The following ADAMTSL1 variants were observed in gnomAD, a reference collection of about 807,000 sequenced individuals.
ADAMTSL1 encodes ADAMTS like 1.
In ADAMTSL1, 126 loss-of-function variants were observed where a neutral mutation model predicts 201.8. That is an observed-to-expected ratio of 0.62 (90% CI 0.54 to 0.72). The LOEUF (loss-of-function observed/expected upper bound fraction) is 0.72. ADAMTSL1 is among the 30% of genes least tolerant of loss of function. The pLI is 0.00. For missense variants in ADAMTSL1, 2,679 were observed against 2,277.8 expected, an observed-to-expected ratio of 1.18 and a Z score of -3.59; for synonymous variants, 1,121 against 903.4, an observed-to-expected ratio of 1.24 and a Z score of -4.32.
intron 23 of ADAMTSL1, among the ~76,000 whole-genome samples, chr9:18,863,416 T>C (rs1284648210): frequency 1.3e-5 from 2 of 152,224 alleles, no homozygotes; most frequent in African/African-American, 2.4e-5. Flanking sequence ...ATTTGGGGAA[T>C]GGAAAATGGG....
At chr9:17,973,790 C>T (rs1818321645) in intron 1 of ADAMTSL1, among the ~76,000 whole-genome samples, 1 of 148,416 alleles carries the variant, frequency 6.7e-6, no homozygotes. Flanking sequence ...ATTCTTCCTA[C>T]CAATGAGCAT....
chr9:17,939,776 C>G (rs951102436), intron 1 of ADAMTSL1, among the ~76,000 whole-genome samples: 15 of 152,192 alleles, frequency 9.9e-5, no homozygotes, highest in Middle Eastern at 3.4e-3. Flanking sequence ...TGACCCTGTT[C>G]TTGCAAAGTA....
chr9:18,161,310 A>G (rs1411150748), intron 1 of ADAMTSL1, among the ~76,000 whole-genome samples: 1 of 152,030 alleles, frequency 6.6e-6, no homozygotes, highest in Non-Finnish European at 1.5e-5. Context: ...AGCAAAAGAA[A>G]CTTCTTTTTG....
intron 16 of ADAMTSL1, among the ~76,000 whole-genome samples, chr9:18,768,218 T>C (rs1441384383): frequency 1.3e-5 from 2 of 152,194 alleles, no homozygotes; most frequent in Admixed American, 6.5e-5. Flanking sequence ...GGCTTGGTGC[T>C]GATCAGGCTG....
At chr9:18,323,446 G>C (rs1235639762) in intron 2 of ADAMTSL1, among the ~76,000 whole-genome samples, 1 of 152,080 alleles carries the variant, frequency 6.6e-6, no homozygotes, top group Non-Finnish European at 1.5e-5. Flanking sequence ...TGGTAAAATA[G>C]TAAATCCTTT....
chr9:18,002,207 T>G (rs10963391), intron 1 of ADAMTSL1, among the ~76,000 whole-genome samples: 1 of 151,796 alleles, frequency 6.6e-6, no homozygotes, highest in African/African-American at 2.4e-5. Flanking sequence ...TGTTAATCTA[T>G]AGGAATCTGT....
At chr9:18,602,305 G>C (rs1824714134) in intron 4 of ADAMTSL1, among the ~76,000 whole-genome samples, 1 of 152,174 alleles carries the variant, frequency 6.6e-6, no homozygotes, top group Non-Finnish European at 1.5e-5. Flanking sequence ...TTTTGCACTA[G>C]GACAAAACGA....
chr9:18,181,986 T>C (rs902561248), intron 2 of ADAMTSL1, among the ~76,000 whole-genome samples: 2 of 152,010 alleles, frequency 1.3e-5, no homozygotes, highest in African/African-American at 4.8e-5. Flanking sequence ...ATGTCCTTTG[T>C]AGGGACATGG....
intron 1 of ADAMTSL1, among the ~76,000 whole-genome samples, chr9:18,480,560 G>A (rs1821672088): frequency 1.3e-5 from 2 of 152,284 alleles, no homozygotes; most frequent in Non-Finnish European, 2.9e-5. Flanking sequence ...AACAAACTTT[G>A]TTGTGTGAAA....
chr9:18,619,069 A>T (rs1191813638), intron 4 of ADAMTSL1, among the ~76,000 whole-genome samples: 1 of 152,202 alleles, frequency 6.6e-6, no homozygotes, highest in African/African-American at 2.4e-5. Context: ...AAGGATGAGT[A>T]GGAGTTTGCC....
At chr9:18,131,927 G>A (rs1564017734) in intron 1 of ADAMTSL1, among the ~76,000 whole-genome samples, 1 of 151,808 alleles carries the variant, frequency 6.6e-6, no homozygotes, top group African/African-American at 2.4e-5. Flanking sequence ...TTCCTTCATA[G>A]TTCAGGAAGT....
At chr9:18,316,480 T>C (rs1286605253) in intron 2 of ADAMTSL1, among the ~76,000 whole-genome samples, 1 of 152,132 alleles carries the variant, frequency 6.6e-6, no homozygotes, top group Non-Finnish European at 1.5e-5. Flanking sequence ...CCCAGGGATG[T>C]TCCTTGCTGA....
At chr9:18,413,512 T>C (rs1479649533) in intron 2 of ADAMTSL1, among the ~76,000 whole-genome samples, 1 of 152,166 alleles carries the variant, frequency 6.6e-6, no homozygotes, top group African/African-American at 2.4e-5. Flanking sequence ...CGATTCTGTG[T>C]CTGTAATAGT....
At chr9:17,940,825 G>T (rs1446857673) in intron 1 of ADAMTSL1, among the ~76,000 whole-genome samples, 1 of 32,872 alleles carries the variant, frequency 3.0e-5, no homozygotes, top group Non-Finnish European at 6.1e-5. Context: ...AAAAAAGAAA[G>T]AAATAACGAC....
chr9:18,416,035 A>G (rs1029765817), intron 2 of ADAMTSL1, among the ~76,000 whole-genome samples: 5 of 152,242 alleles, frequency 3.3e-5, no homozygotes, highest in African/African-American at 1.2e-4. Flanking sequence ...GACCTGTACT[A>G]CAAGAAATCT....
intron 1 of ADAMTSL1, among the ~76,000 whole-genome samples, chr9:17,926,138 A>G (rs1224079293): frequency 1.3e-5 from 2 of 152,170 alleles, no homozygotes; most frequent in Admixed American, 1.3e-4. Context: ...CTTTATTGTT[A>G]ATAATCATTG....
chr9:18,344,320 T>C (rs1027158544), intron 2 of ADAMTSL1, among the ~76,000 whole-genome samples: 1 of 152,112 alleles, frequency 6.6e-6, no homozygotes, highest in Non-Finnish European at 1.5e-5. Context: ...TTTTTTTTAA[T>C]TAACAAAATT....
At chr9:18,673,087 C>T (rs935987560) in intron 9 of ADAMTSL1, among the ~76,000 whole-genome samples, 6 of 152,236 alleles carry the variant, frequency 3.9e-5, no homozygotes, top group African/African-American at 1.4e-4. Context: ...ATTTTTGCCT[C>T]CTTCACCACA....
At chr9:18,449,046 G>A (rs1001726608) in intron 2 of ADAMTSL1, among the ~76,000 whole-genome samples, 1 of 151,644 alleles carries the variant, frequency 6.6e-6, no homozygotes, top group Non-Finnish European at 1.5e-5. Context: ...AACATTTCTT[G>A]CCAGAGTGAG....
Sources: allele counts gnomAD v4.1 joint callset (sites outside exome capture counted in the v4.1 genomes callset), GRCh38; gene constraint gnomAD v4.1.1; transcripts MANE v1.5; gene names NCBI Gene and HGNC (gene_info 2026-07-23, HGNC 2026-07-21).